Variants in LDAH observed in about 807,000 individuals in gnomAD.
The protein encoded by LDAH is lipid droplet-associated hydrolase.
Under a neutral mutation model 29.6 loss-of-function variants are expected in LDAH, and 26 were observed. That is an observed-to-expected ratio of 0.88 (90% CI 0.64 to 1.22). The LOEUF is 1.22. LDAH is among the 50% of genes most tolerant of loss of function. LDAH has a pLI of 0.00. For synonymous variants in LDAH, 117 were observed against 133.0 expected (o/e 0.88, Z 0.83); for missense variants, 344 against 387.3 (o/e 0.89, Z 0.94).
At chr2:20,771,929 T>C (rs926975132) in intron 4 of LDAH, among the ~76,000 whole-genome samples, 24 of 152,214 alleles carry the variant, frequency 1.6e-4, no homozygotes, top group African/African-American at 5.5e-4. Context: ...TAGAGTAGGT[T>C]AAGTTCACGT....
intron 6 of LDAH, among the ~76,000 whole-genome samples, chr2:20,697,110 C>CATGG (rs1663548045): frequency 6.6e-6 from 1 of 152,070 alleles, no homozygotes; most frequent in African/African-American, 2.4e-5. Flanking sequence ...GCCTGCCAGA[C>CATGG]ACGGATCCAC....
intron 1 of LDAH, among the ~76,000 whole-genome samples, chr2:20,802,672 C>T (rs1184260833): frequency 6.6e-6 from 1 of 152,192 alleles, no homozygotes; most frequent in Non-Finnish European, 1.5e-5. Flanking sequence ...TTACATCAGC[C>T]TTGCACTTTA....
chr2:20,762,089 ATAAT>A (rs1168855820), intron 4 of LDAH, among the ~76,000 whole-genome samples: 1 of 152,076 alleles, frequency 6.6e-6, no homozygotes, highest in African/African-American at 2.4e-5. Context: ...TTAATATTCT[ATAAT>A]TAACTTTTAT....
At chr2:20,727,665 G>A (rs898281697) in intron 5 of LDAH, among the ~76,000 whole-genome samples, 3 of 152,004 alleles carry the variant, frequency 2.0e-5, no homozygotes, top group Non-Finnish European at 4.4e-5. Context: ...GAACTAAGAC[G>A]TATTTTCTTT....
intron 3 of LDAH, chr2:20,789,021 A>G: frequency 1.8e-6 from 2 of 1,114,804 alleles, no homozygotes; most frequent in Non-Finnish European, 2.6e-6. Context: ...GTCCCTCTCA[A>G]ACTGGCCCTG....
chr2:20,700,031 G>T (rs1164924287), intron 6 of LDAH, among the ~76,000 whole-genome samples: 1 of 152,356 alleles, frequency 6.6e-6, no homozygotes, highest in East Asian at 1.9e-4. Flanking sequence ...TTTTGGAAGT[G>T]AGCATCTGCC....
chr2:20,740,298 G>A (rs1667087586), intron 4 of LDAH, 93 bp from the exon 5 acceptor site: 1 of 845,850 alleles, frequency 1.2e-6, no homozygotes, highest in African/African-American at 1.7e-5. Flanking sequence ...CAAATGAATG[G>A]GTTTTAGAAT....
chr2:20,694,991 C>T (rs13010056), intron 6 of LDAH, among the ~76,000 whole-genome samples: 5,391 of 152,342 alleles, frequency 0.035, 106 homozygotes, highest in Middle Eastern at 0.078. Context: ...AGGCCCTGAG[C>T]GCCAGTCTCC....
At chr2:20,748,438 C>A (rs1270370417) in intron 4 of LDAH, among the ~76,000 whole-genome samples, 3 of 152,238 alleles carry the variant, frequency 2.0e-5, no homozygotes, top group Non-Finnish European at 4.4e-5. Context: ...ATAGCCCATT[C>A]TTCTCAAGCT....
At chr2:20,789,318 C>A (rs762196859) in intron 3 of LDAH, 9 of 1,540,822 alleles carry the variant, frequency 5.8e-6, no homozygotes, top group Admixed American at 2.0e-5. Flanking sequence ...GTGTCCACCA[C>A]GAGAGGACAG....
intron 5 of LDAH, among the ~76,000 whole-genome samples, chr2:20,707,970 T>C (rs1425908214): frequency 1.3e-5 from 2 of 152,188 alleles, no homozygotes; most frequent in East Asian, 3.9e-4. Context: ...GGATCTAGGT[T>C]GCGTGCTCCT....
intron 4 of LDAH, among the ~76,000 whole-genome samples, chr2:20,742,628 T>C (rs534816933): frequency 6.6e-6 from 1 of 152,348 alleles, no homozygotes; most frequent in Admixed American, 6.5e-5. Context: ...TGTTTTCTTT[T>C]GATTAGTGTT....
At chr2:20,809,471 T>C (rs891779841) in intron 1 of LDAH, among the ~76,000 whole-genome samples, 1 of 152,084 alleles carries the variant, frequency 6.6e-6, no homozygotes, top group African/African-American at 2.4e-5. Context: ...AAAGACACTA[T>C]TAAGAGAGTC....
rs1667997577 is a variant in LDAH, at chr2:20,751,857, C to T, written c.469-11652G>A. On this transcript the variant is annotated intron_variant, in intron 4 of 6. Coordinates refer to ENST00000237822, the MANE Select transcript of LDAH (RefSeq NM_021925.4). Reference sequence around the variant, plus strand: ...ATGAGTGGGATATAAAAGAAACACGCAGTAAACAAAGTGGTATTCTTTTTT... The same window carrying T: ...ATGAGTGGGATATAAAAGAAACACGTAGTAAACAAAGTGGTATTCTTTTTT... 3.9e-5 allele frequency among the ~76,000 whole-genome samples: 6 copies of T among 152,102 alleles called. No homozygotes were observed. The South Asian group carries it at 1.2e-3, about 31-fold the overall frequency.
At chr2:20,800,912 G>A (rs1205210694) in intron 2 of LDAH, among the ~76,000 whole-genome samples, 3 of 152,184 alleles carry the variant, frequency 2.0e-5, no homozygotes, top group African/African-American at 4.8e-5. Context: ...GATTATAGGC[G>A]TGAGCCATTG....
chr2:20,701,743 T>A (rs1663956290), intron 5 of LDAH, 91 bp from the exon 6 acceptor site: 12 of 1,190,892 alleles, frequency 1.0e-5, no homozygotes, highest in Non-Finnish European at 1.4e-5. Context: ...GTTCCTCCTT[T>A]CTTTTGGCAC....
intron 5 of LDAH, among the ~76,000 whole-genome samples, chr2:20,737,580 T>G (rs182442942): frequency 2.1e-4 from 32 of 152,310 alleles, no homozygotes; most frequent in Admixed American, 8.5e-4. Flanking sequence ...GCCCTAACTC[T>G]TGATTTAGTC....
intron 5 of LDAH, among the ~76,000 whole-genome samples, chr2:20,711,934 TA>T (rs1203866039): frequency 1.3e-5 from 2 of 152,202 alleles, no homozygotes; most frequent in African/African-American, 4.8e-5. Context: ...GCTGCCTCTA[TA>T]GACTCCACCT....
At chr2:20,754,303 C>T (rs1668163230) in intron 4 of LDAH, among the ~76,000 whole-genome samples, 1 of 151,670 alleles carries the variant, frequency 6.6e-6, no homozygotes, top group Non-Finnish European at 1.5e-5. Flanking sequence ...GCCTGGGCAA[C>T]ACGGTGAAAC....
Sources: gnomAD v4.1 joint callset for allele counts (sites outside exome capture counted in the v4.1 genomes callset) on GRCh38, gnomAD v4.1.1 for gene constraint, MANE v1.5 for transcripts, NCBI Gene and HGNC (gene_info 2026-07-23, HGNC 2026-07-21) for gene names.